ZBTB20: variants seen among roughly 807,000 people sequenced by gnomAD.
ZBTB20 encodes the protein zinc finger and BTB domain containing 20, also known as zinc finger and BTB domain-containing protein 20.
A neutral mutation model predicts 56.9 loss-of-function variants in ZBTB20; 9 were observed. The observed-to-expected ratio is 0.16, with a 90% CI of 0.10 to 0.28. ZBTB20 has a LOEUF of 0.28. Ranked by LOEUF, ZBTB20 falls within the 10% of genes least tolerant of loss-of-function variation. The pLI, the probability that ZBTB20 is intolerant of heterozygous loss-of-function variation, is 1.00. For synonymous variants in ZBTB20, 417 were observed against 420.7 expected, an observed-to-expected ratio of 0.99 and a Z score of 0.11; for missense variants, 655 against 1,003.0, an observed-to-expected ratio of 0.65 and a Z score of 4.69.
chr3:114,421,339 G>A lies in ZBTB20; in HGVS notation c.-254-32234C>T, dbSNP rs576773081. Among the ~76,000 whole-genome samples, 23 of 152,242 alleles carry A rather than the reference G, an allele frequency of 1.5e-4. 1 individual carries two copies. In the South Asian group the frequency reaches 4.8e-3, roughly 32 times the overall value. On this transcript the variant is annotated intron_variant, in intron 7 of 11. Transcript: ENST00000675478. ...GCGTCCCCATTTCTATAATGGGGAA[G>A]GACGTCTTGATACATTTACAATACT...
chr3:114,496,756 T>C (rs182482233), intron 7 of ZBTB20, among the ~76,000 whole-genome samples: 20 of 152,282 alleles, frequency 1.3e-4, no homozygotes, highest in Non-Finnish European at 2.9e-5. Context: ...GTTCAATGGT[T>C]TGGAAATTTT....
intron 6 of ZBTB20, among the ~76,000 whole-genome samples, chr3:114,518,033 T>C (rs768819279): frequency 6.6e-6 from 1 of 152,132 alleles, no homozygotes; most frequent in Non-Finnish European, 1.5e-5. Flanking sequence ...TTATCATATA[T>C]CCTCATAAGA....
At chr3:114,827,498 C>T (rs1267291067) in intron 4 of ZBTB20, among the ~76,000 whole-genome samples, 3 of 151,766 alleles carry the variant, frequency 2.0e-5, no homozygotes, top group Admixed American at 6.6e-5. Context: ...AAACAAAAAT[C>T]ATGAGAACAA....
At chr3:115,122,070 C>T (rs910549752) in intron 1 of ZBTB20, among the ~76,000 whole-genome samples, 11 of 151,974 alleles carry the variant, frequency 7.2e-5, no homozygotes, top group Non-Finnish European at 1.3e-4. Context: ...CCAGACTAAA[C>T]ACTTTAGCCA....
chr3:114,851,569 T>A (rs2075001107), intron 4 of ZBTB20, among the ~76,000 whole-genome samples: 6 of 152,134 alleles, frequency 3.9e-5, no homozygotes, highest in Admixed American at 2.6e-4. Flanking sequence ...AGTAATTAAA[T>A]CATGTGATAT....
At chr3:114,789,468 C>T (rs1009677775) in intron 5 of ZBTB20, among the ~76,000 whole-genome samples, 1 of 152,074 alleles carries the variant, frequency 6.6e-6, no homozygotes, top group African/African-American at 2.4e-5. Flanking sequence ...GGGTCCAATG[C>T]ATTAACATTT....
At chr3:114,451,823 T>C (rs1162235289) in intron 7 of ZBTB20, among the ~76,000 whole-genome samples, 1 of 152,110 alleles carries the variant, frequency 6.6e-6, no homozygotes, top group African/African-American at 2.4e-5. Context: ...TCTTTCCTCC[T>C]CCTCTATTTT....
At chr3:114,876,788 G>A (rs1288324985) in intron 4 of ZBTB20, among the ~76,000 whole-genome samples, 1 of 152,172 alleles carries the variant, frequency 6.6e-6, no homozygotes, top group East Asian at 1.9e-4. Flanking sequence ...TACCAACTTC[G>A]AGGCTTAGTT....
intron 6 of ZBTB20, among the ~76,000 whole-genome samples, chr3:114,648,579 G>A (rs1035301122): frequency 2.0e-5 from 3 of 151,968 alleles, no homozygotes; most frequent in Non-Finnish European, 4.4e-5. Context: ...TATTACACAA[G>A]ATGGAAAGGC....
chr3:114,992,105 C>T (rs1433960375), intron 2 of ZBTB20, among the ~76,000 whole-genome samples: 1 of 151,860 alleles, frequency 6.6e-6, no homozygotes, highest in East Asian at 1.9e-4. Flanking sequence ...TTACTCCCTC[C>T]ACTAGACATA....
intron 6 of ZBTB20, among the ~76,000 whole-genome samples, chr3:114,503,434 G>T (rs573913643): frequency 6.6e-6 from 1 of 152,262 alleles, no homozygotes; most frequent in African/African-American, 2.4e-5. Context: ...ATTATAATCT[G>T]CTATGTAATT....
chr3:114,572,521 G>C (rs1276926166), intron 6 of ZBTB20, among the ~76,000 whole-genome samples: 1 of 152,196 alleles, frequency 6.6e-6, no homozygotes, highest in Non-Finnish European at 1.5e-5. Flanking sequence ...AAAGAGACAA[G>C]CTTGTGTACA....
In ZBTB20 at chr3:114,943,995, A is replaced by C. The variant is rs575870075; in HGVS notation, c.-456+30371T>G. On this transcript the variant is annotated intron_variant, in intron 3 of 11. Transcript: ENST00000675478. ...CAATCTCAAAATAGCCAGAAAAATAAAAATGCATTACTTTGTAAGGATTAG... is the reference window on the plus strand; with the variant it reads ...CAATCTCAAAATAGCCAGAAAAATACAAATGCATTACTTTGTAAGGATTAG... Among the ~76,000 whole-genome samples, 12 of 145,760 alleles carry C rather than the reference A, an allele frequency of 8.2e-5. No individual in the cohort carries two copies. In the South Asian group the frequency reaches 2.6e-3, roughly 31 times the overall value.
intron 6 of ZBTB20, among the ~76,000 whole-genome samples, chr3:114,630,146 T>C (rs987926169): frequency 1.3e-5 from 2 of 151,736 alleles, no homozygotes; most frequent in African/African-American, 2.4e-5. Flanking sequence ...TCTTAAAAAA[T>C]AAAAAAGAAT....
chr3:114,504,827 C>G (rs2044407207), intron 6 of ZBTB20, among the ~76,000 whole-genome samples: 1 of 152,164 alleles, frequency 6.6e-6, no homozygotes, highest in African/African-American at 2.4e-5. Context: ...ACTGTTACTT[C>G]CAATTTACTA....
chr3:115,026,971 AAT>A (rs1487160092), intron 2 of ZBTB20, among the ~76,000 whole-genome samples: 2 of 150,906 alleles, frequency 1.3e-5, no homozygotes, highest in Non-Finnish European at 3.0e-5. Flanking sequence ...ATTTTTGCTT[AAT>A]ATTAAATTTT....
intron 7 of ZBTB20, among the ~76,000 whole-genome samples, chr3:114,486,980 G>T (rs78135170): frequency 6.6e-6 from 1 of 151,640 alleles, no homozygotes; most frequent in Non-Finnish European, 1.5e-5. Flanking sequence ...CCTGATAAAA[G>T]AAAAAAAACT....
intron 4 of ZBTB20, among the ~76,000 whole-genome samples, chr3:114,860,175 C>T (rs1347239676): frequency 2.0e-5 from 3 of 151,982 alleles, no homozygotes. Context: ...GGCTTGTTGG[C>T]GTGTGACTGT....
At chr3:114,489,734 TA>T (rs527878740) in intron 7 of ZBTB20, among the ~76,000 whole-genome samples, 1 of 151,984 alleles carries the variant, frequency 6.6e-6, no homozygotes, top group Non-Finnish European at 1.5e-5. Flanking sequence ...AAGTAAATAT[TA>T]AAAAAAAGCT....
Sources: allele counts gnomAD v4.1 joint callset (sites outside exome capture counted in the v4.1 genomes callset), GRCh38; gene constraint gnomAD v4.1.1; transcripts MANE v1.5; gene names NCBI Gene and HGNC (gene_info 2026-07-23, HGNC 2026-07-21).